The following NHLRC2 variants were observed in gnomAD, a reference collection of about 807,000 sequenced individuals.
NHLRC2 encodes the protein NHL repeat containing 2.
In NHLRC2, 33 loss-of-function variants were observed where a neutral mutation model predicts 68.1. That is an observed-to-expected ratio of 0.48 (90% confidence interval 0.37 to 0.65). NHLRC2 has a LOEUF of 0.65. NHLRC2 is among the 30% of genes least tolerant of loss of function. The probability of loss-of-function intolerance (pLI) is 0.00; values close to 1 mark genes in which losing one functional copy is unlikely to be tolerated. For missense variants in NHLRC2, 761 were observed against 853.8 expected (o/e 0.89, Z 1.35); for synonymous variants, 311 against 309.6 (o/e 1.00, Z -0.05).
rs78433157 is a variant in NHLRC2, at chr10:113,863,601, C to T, written c.331+4921C>T. Among the ~76,000 whole-genome samples, 426 of 151,688 alleles carry T rather than the reference C, an allele frequency of 2.8e-3. 3 individuals carry two copies. The highest frequency in any genetic ancestry group is 9.9e-3 in the African/African-American group (410 of 41,388). Reference sequence around the variant, plus strand: ...AAAACACAGTAAACCCAAAGCTAACCGAAGGAAGGAAATAAAGATTCAAGC... The same window carrying T: ...AAAACACAGTAAACCCAAAGCTAACTGAAGGAAGGAAATAAAGATTCAAGC... On this transcript the variant is annotated intron_variant, in intron 2 of 10. Coordinates refer to ENST00000369301, the MANE Select transcript of NHLRC2 (RefSeq NM_198514.4).
chr10:113,903,503 A>G, intron 8 of NHLRC2, 24 bp from the exon 9 acceptor site: 1 of 1,423,428 alleles, frequency 7.0e-7, no homozygotes, highest in Non-Finnish European at 9.9e-7. Context: ...TCAGTTATAT[A>G]AGTTTTTGTT....
intron 2 of NHLRC2, among the ~76,000 whole-genome samples, chr10:113,868,185 T>G (rs1845887735): frequency 6.6e-6 from 1 of 152,088 alleles, no homozygotes; most frequent in African/African-American, 2.4e-5. Flanking sequence ...GATGGTGGTG[T>G]TTTACTTCAC....
At chr10:113,896,791 G>A (rs1267627257) in intron 5 of NHLRC2, among the ~76,000 whole-genome samples, 1 of 151,862 alleles carries the variant, frequency 6.6e-6, no homozygotes, top group Non-Finnish European at 1.5e-5. Flanking sequence ...TTAGGAGATC[G>A]AGACCATCCT....
At chr10:113,904,071 G>A (rs1446740595) in intron 9 of NHLRC2, among the ~76,000 whole-genome samples, 1 of 150,588 alleles carries the variant, frequency 6.6e-6, no homozygotes, top group Non-Finnish European at 1.5e-5. Flanking sequence ...CTGCTCTGTG[G>A]GTTGGGTTAT....
Position 113,916,876 on chromosome 10 carries a change from A to G in NHLRC2, c.*8340A>G, listed in dbSNP as rs145573966. The G allele has an allele frequency of 1.3e-5, 2 of 152,344 alleles. No homozygotes were observed. Among genetic ancestry groups the G allele is most frequent in the African/African-American group, 4.8e-5 (2 of 41,584 alleles). The allele number at this position is 152,344 out of a possible 1,614,324, so 9.4% of individuals were successfully genotyped here. On this transcript the variant is annotated 3_prime_UTR_variant, in exon 11 of 11. Coordinates refer to ENST00000369301, the MANE Select transcript of NHLRC2 (RefSeq NM_198514.4). ...AGTTCATATATTGGTATTTCTAGAC[A>G]TAGTCTAGTTCTAAAAGAATGTACT...
At chr10:113,890,763 G>T (rs1846123430) in intron 5 of NHLRC2, among the ~76,000 whole-genome samples, 1 of 152,096 alleles carries the variant, frequency 6.6e-6, no homozygotes, top group Admixed American at 6.5e-5. Context: ...TGAGCCTGTT[G>T]TATTAGTCCA....
rs142609541 is a variant in NHLRC2, at chr10:113,904,907, C to G, written c.1795C>G (p.Pro599Ala). The change falls in exon 10 of 11, where the codon CCA (proline) becomes GCA (alanine). Residue 599 changes from proline to alanine, a missense_variant. By Grantham distance (27) the Pro-to-Ala change is conservative. Coordinates refer to ENST00000369301, the MANE Select transcript of NHLRC2 (RefSeq NM_198514.4). ...ATTACCCAAACTACCTAAATCTGCTCCAAGCATTAGGCTTTCCCCCGTGAC... is the reference window on the plus strand; with the variant it reads ...ATTACCCAAACTACCTAAATCTGCTGCAAGCATTAGGCTTTCCCCCGTGAC... ...KTLPKLPKSA[P>A]SIRLSPVTAC... The G allele has an allele frequency of 7.1e-5, 114 of 1,610,844 alleles. 5 individuals carry two copies. The South Asian group carries it at 1.2e-3, about 17-fold the overall frequency.
chr10:113,915,378 T>C lies in NHLRC2; in HGVS notation c.*6842T>C, dbSNP rs896340948. 8 of 376,176 alleles carry C rather than the reference T, an allele frequency of 2.1e-5. No homozygotes were observed. The highest frequency in any genetic ancestry group is 1.7e-4 in the African/African-American group (8 of 47,334). The allele number at this position is 376,176 out of a possible 1,614,324, so 23.3% of individuals were successfully genotyped here. On this transcript the variant is annotated 3_prime_UTR_variant, in exon 11 of 11. Transcript: ENST00000369301. Reference sequence around the variant, plus strand: ...AGGGCATGGTATGAATTCCTTCCTCTTTAAGCAGCAACTTACCACAGGCTT... The same window carrying C: ...AGGGCATGGTATGAATTCCTTCCTCCTTAAGCAGCAACTTACCACAGGCTT...
intron 2 of NHLRC2, among the ~76,000 whole-genome samples, chr10:113,869,567 T>G (rs1245447285): frequency 6.6e-6 from 1 of 152,202 alleles, no homozygotes; most frequent in Non-Finnish European, 1.5e-5. Context: ...TGCTTCCTCT[T>G]TGTAGGTGCT....
intron 2 of NHLRC2, among the ~76,000 whole-genome samples, chr10:113,868,400 A>G (rs1298664565): frequency 6.6e-6 from 1 of 152,196 alleles, no homozygotes; most frequent in Non-Finnish European, 1.5e-5. Flanking sequence ...AGTATGCATG[A>G]TTAACAGAAA....
In NHLRC2 at chr10:113,911,813, A is replaced by G. The variant is rs2134747517; in HGVS notation, c.*3277A>G. ...TTACATAAGAATATATGCAGAGGGA[A>G]AATGTCAATAGTTCTTGTGAATGAA... On this transcript the variant is annotated 3_prime_UTR_variant, in exon 11 of 11. Coordinates refer to ENST00000369301, the MANE Select transcript of NHLRC2 (RefSeq NM_198514.4). 6.6e-6 allele frequency: 1 copy of G among 152,252 alleles called. No homozygotes were observed. Among genetic ancestry groups the G allele is most frequent in the South Asian group, 2.1e-4 (1 of 4,828 alleles). 9.4% of individuals were successfully genotyped at this position (152,252 alleles called of 1,614,324 possible).
At chr10:113,877,087 T>A in intron 3 of NHLRC2, 111 bp downstream of exon 3, 1 of 634,444 alleles carries the variant, frequency 1.6e-6, no homozygotes, top group Non-Finnish European at 2.5e-6. Flanking sequence ...AGAAAAGTGA[T>A]ATACATTGAC....
At chr10:113,859,291 T>A (rs995646479) in intron 2 of NHLRC2, among the ~76,000 whole-genome samples, 1 of 151,960 alleles carries the variant, frequency 6.6e-6, no homozygotes, top group African/African-American at 2.4e-5. Flanking sequence ...ATTAATCAAA[T>A]TTTTTTTGTC....
intron 3 of NHLRC2, among the ~76,000 whole-genome samples, chr10:113,878,788 C>G (rs1468856553): frequency 6.6e-6 from 1 of 152,160 alleles, no homozygotes; most frequent in Admixed American, 6.5e-5. Flanking sequence ...CTCGGCCTCC[C>G]AAAGTGCTGA....
intron 1 of NHLRC2, among the ~76,000 whole-genome samples, chr10:113,855,296 C>T (rs967022390): frequency 2.0e-5 from 3 of 152,204 alleles, no homozygotes; most frequent in African/African-American, 4.8e-5. Flanking sequence ...GTTCCGCCCG[C>T]GCCTGATATT....
intron 5 of NHLRC2, among the ~76,000 whole-genome samples, chr10:113,890,563 CCCCTTTCTGTCTTT>C (rs1445867311): frequency 1.3e-5 from 2 of 151,968 alleles, no homozygotes; most frequent in Non-Finnish European, 2.9e-5. Context: ...TTTTTTTCTG[CCCCTTTCTGTCTTT>C]CTCTTTCTGG....
intron 4 of NHLRC2, among the ~76,000 whole-genome samples, chr10:113,882,649 A>T (rs1846045731): frequency 6.6e-6 from 1 of 151,666 alleles, no homozygotes; most frequent in African/African-American, 2.4e-5. Flanking sequence ...GCTTGCCTTT[A>T]TACTTAGTTA....
chr10:113,884,174 T>C, intron 4 of NHLRC2, 77 bp from the exon 5 acceptor site: 3 of 1,356,486 alleles, frequency 2.2e-6, no homozygotes, highest in African/African-American at 1.5e-5. Context: ...CTATTGACTA[T>C]TGAAAATCTT....
At chr10:113,880,760 G>A (rs1234900772) in intron 4 of NHLRC2, among the ~76,000 whole-genome samples, 2 of 151,934 alleles carry the variant, frequency 1.3e-5, no homozygotes, top group East Asian at 3.8e-4. Flanking sequence ...TATGGTAGGT[G>A]TTCAACAGAT....
Sources: allele counts gnomAD v4.1 joint callset (sites outside exome capture counted in the v4.1 genomes callset), GRCh38; gene constraint gnomAD v4.1.1; transcripts MANE v1.5; gene names NCBI Gene and HGNC (gene_info 2026-07-23, HGNC 2026-07-21).